Variants in EYS observed in about 807,000 individuals in gnomAD.
The protein encoded by EYS is EGF-like photoreceptor maintenance factor, also known as protein eyes shut homolog.
EYS carries 250 observed loss-of-function variants against 282.1 expected under a neutral mutation model. That is an observed-to-expected ratio of 0.89 (90% CI 0.80 to 0.98). EYS has a LOEUF of 0.98. Among genes scored for constraint, EYS ranks in the 50% least tolerant of loss-of-function variants. The pLI is 0.00. For synonymous variants in EYS, 1,355 were observed against 1,282.9 expected (o/e 1.06, Z -1.20); for missense variants, 4,016 against 3,709.0 (o/e 1.08, Z -2.15).
At chr6:64,635,576 G>A (rs1412446023) in intron 22 of EYS, among the ~76,000 whole-genome samples, 3 of 152,168 alleles carry the variant, frequency 2.0e-5, no homozygotes, top group African/African-American at 7.2e-5. Context: ...CATCTATTGA[G>A]ATTATCATGT....
In EYS at chr6:63,788,153, T is replaced by C. The variant is rs1770414715; in HGVS notation, c.7675A>G (p.Thr2559Ala). 1.3e-6 allele frequency: 2 copies of C among 1,549,042 alleles called. No individual in the cohort carries two copies. The highest frequency in any genetic ancestry group is 1.7e-6 in the Non-Finnish European group (2 of 1,146,136). Residue 2559 changes from threonine to alanine, a missense_variant, in exon 39 of 43, where the codon ACT (threonine) becomes GCT (alanine). Physicochemically the swap from Thr to Ala is moderately conservative, Grantham distance 58. Transcript: ENST00000503581. ...QFYVGGYSEY[T>A]PDLLPNGADF... Reference sequence around the variant, plus strand: ...GCTCCATTTGGTAAGAGATCTGGAGTGTATTCACTGTAGCCACCTACATAA... The same window carrying C: ...GCTCCATTTGGTAAGAGATCTGGAGCGTATTCACTGTAGCCACCTACATAA...
chr6:65,487,634 T>C (rs1235305608), intron 5 of EYS, among the ~76,000 whole-genome samples: 1 of 152,164 alleles, frequency 6.6e-6, no homozygotes, highest in Non-Finnish European at 1.5e-5. Flanking sequence ...CCTAAAATTC[T>C]ATTTTTTTGT....
intron 41 of EYS, among the ~76,000 whole-genome samples, chr6:63,747,915 G>A (rs1353347906): frequency 1.3e-5 from 2 of 152,014 alleles, no homozygotes; most frequent in African/African-American, 4.8e-5. Context: ...TTGCCAGTCT[G>A]TGTCTTTTAA....
intron 19 of EYS, among the ~76,000 whole-genome samples, chr6:64,875,946 A>T (rs1239219234): frequency 3.3e-5 from 5 of 152,010 alleles, no homozygotes; most frequent in Non-Finnish European, 7.4e-5. Context: ...TAGAGTATAA[A>T]AATTAACTGC....
At chr6:65,165,560 T>C (rs1435163223) in intron 12 of EYS, among the ~76,000 whole-genome samples, 1 of 151,254 alleles carries the variant, frequency 6.6e-6, no homozygotes, top group Non-Finnish European at 1.5e-5. Context: ...CTTTTATTCA[T>C]TAACAGTTCA....
chr6:65,354,113 A>G (rs1237346097), intron 8 of EYS, among the ~76,000 whole-genome samples: 2 of 152,156 alleles, frequency 1.3e-5, no homozygotes, highest in African/African-American at 2.4e-5. Context: ...TACAAAAATC[A>G]TATATAGTTA....
At chr6:64,320,435 T>A (rs1922971) in intron 29 of EYS, among the ~76,000 whole-genome samples, 2 of 151,510 alleles carry the variant, frequency 1.3e-5, no homozygotes, top group African/African-American at 4.8e-5. Flanking sequence ...AGTTTAATGG[T>A]CTTTTATTCT....
chr6:64,672,309 A>G (rs567205130), intron 22 of EYS, among the ~76,000 whole-genome samples: 10 of 152,332 alleles, frequency 6.6e-5, no homozygotes, highest in African/African-American at 2.2e-4. Flanking sequence ...CTATCACGGA[A>G]AAACACAAGA....
intron 11 of EYS, among the ~76,000 whole-genome samples, chr6:65,320,869 A>G (rs546819904): frequency 1.3e-5 from 2 of 152,232 alleles, no homozygotes; most frequent in East Asian, 3.9e-4. Context: ...TGACTGATGG[A>G]GGGCCATGTT....
At chr6:65,288,339 T>C (rs1198157088) in intron 12 of EYS, among the ~76,000 whole-genome samples, 1 of 150,674 alleles carries the variant, frequency 6.6e-6, no homozygotes, top group Admixed American at 6.6e-5. Flanking sequence ...GCTGTCTGAG[T>C]CTTCCACTGA....
intron 30 of EYS, among the ~76,000 whole-genome samples, chr6:64,236,385 C>T (rs1272575747): frequency 6.6e-6 from 1 of 152,124 alleles, no homozygotes; most frequent in Non-Finnish European, 1.5e-5. Context: ...ATACTATGAA[C>T]ATTCATGTTC....
In EYS at chr6:65,157,833, T is replaced by A. The variant is rs1764763337; in HGVS notation, c.2024-100106A>T. Reference sequence around the variant, plus strand: ...TAACTTTAACATGTTTTCTTTGATATAAAAATATAAATCAAGTACCATTAT... The same window carrying A: ...TAACTTTAACATGTTTTCTTTGATAAAAAAATATAAATCAAGTACCATTAT... On this transcript the variant is annotated intron_variant, in intron 12 of 42. Coordinates refer to ENST00000503581, the MANE Select transcript of EYS (RefSeq NM_001142800.2). Among the ~76,000 whole-genome samples, 4 of 150,832 alleles carry A rather than the reference T, an allele frequency of 2.7e-5. No individual in the cohort carries two copies. The South Asian group carries it at 8.3e-4, about 31-fold the overall frequency.
At chr6:64,622,444 A>G (rs1767475282) in intron 23 of EYS, among the ~76,000 whole-genome samples, 1 of 152,184 alleles carries the variant, frequency 6.6e-6, no homozygotes, top group African/African-American at 2.4e-5. Context: ...ACTTATATCC[A>G]GGTTAAATTT....
chr6:64,710,797 C>T (rs1418793745), intron 22 of EYS, among the ~76,000 whole-genome samples: 2 of 152,168 alleles, frequency 1.3e-5, no homozygotes, highest in Non-Finnish European at 2.9e-5. Flanking sequence ...CTTCATGTTG[C>T]CATGTTTTCT....
chr6:63,948,386 T>A (rs1173577258), intron 35 of EYS, among the ~76,000 whole-genome samples: 1 of 152,226 alleles, frequency 6.6e-6, no homozygotes, highest in Non-Finnish European at 1.5e-5. Flanking sequence ...CATTTCTTTG[T>A]CTCTCAGAAA....
chr6:65,306,859 A>G (rs866547239), intron 11 of EYS, among the ~76,000 whole-genome samples: 20 of 142,460 alleles, frequency 1.4e-4, no homozygotes, highest in African/African-American at 1.8e-4. Context: ...AAAAAAAAAA[A>G]AAAGAAAGTC....
intron 41 of EYS, among the ~76,000 whole-genome samples, chr6:63,752,008 A>G (rs1196719024): frequency 6.6e-6 from 1 of 152,212 alleles, no homozygotes; most frequent in Non-Finnish European, 1.5e-5. Flanking sequence ...TGCTACCAAA[A>G]TCTTCTAGGA....
At chr6:63,986,873 A>C (rs1243641223) in intron 34 of EYS, among the ~76,000 whole-genome samples, 2 of 151,636 alleles carry the variant, frequency 1.3e-5, no homozygotes, top group Non-Finnish European at 3.0e-5. Context: ...ACAACAAAAC[A>C]TCATGACATG....
intron 22 of EYS, among the ~76,000 whole-genome samples, chr6:64,767,891 A>C (rs796769121): frequency 7.2e-5 from 11 of 152,178 alleles, no homozygotes; most frequent in African/African-American, 2.6e-4. Flanking sequence ...ACTGGTTTAC[A>C]TTTCCATGAG....
Sources: gnomAD v4.1 joint callset for allele counts (sites outside exome capture counted in the v4.1 genomes callset) on GRCh38, gnomAD v4.1.1 for gene constraint, MANE v1.5 for transcripts, NCBI Gene and HGNC (gene_info 2026-07-23, HGNC 2026-07-21) for gene names.